HERC2: variants seen among roughly 807,000 people sequenced by gnomAD.
HERC2 encodes E3 ubiquitin-protein ligase HERC2.
HERC2 carries 102 observed loss-of-function variants against 537.7 expected under a neutral mutation model. The ratio of observed to expected loss-of-function variants is 0.19; its 90% CI spans 0.16 to 0.22. The LOEUF is 0.22. Among genes scored for constraint, HERC2 ranks in the 10% least tolerant of loss-of-function variants. The pLI is 1.00. For synonymous variants in HERC2, 2,224 were observed against 2,466.2 expected (o/e 0.90, Z 2.91); for missense variants, 4,236 against 6,198.2 (o/e 0.68, Z 10.63).
chr15:28,289,872 G>A (rs528066524), intron 4 of HERC2, among the ~76,000 whole-genome samples: 21 of 151,930 alleles, frequency 1.4e-4, no homozygotes, highest in Admixed American at 3.9e-4. Flanking sequence ...GTGAAAGGAC[G>A]ACACATCTGA....
intron 70 of HERC2, among the ~76,000 whole-genome samples, chr15:28,147,393 C>G (rs757034529): frequency 1.9e-4 from 29 of 152,154 alleles, no homozygotes; most frequent in Admixed American, 5.2e-4. Context: ...CTTCGGGAGG[C>G]CGAGGCAGGC....
chr15:28,282,702 G>A (rs2076050703), intron 4 of HERC2, among the ~76,000 whole-genome samples: 1 of 152,154 alleles, frequency 6.6e-6, no homozygotes, highest in Non-Finnish European at 1.5e-5. Flanking sequence ...CGGAGGCCGA[G>A]GCAGGCGGAT....
At chr15:28,152,654 C>T in intron 70 of HERC2, 23 bp downstream of exon 70, 1 of 1,518,600 alleles carries the variant, frequency 6.6e-7, no homozygotes, top group Non-Finnish European at 8.9e-7. Flanking sequence ...GCTGCAGCTC[C>T]CCGCTGGGGC....
In HERC2 at chr15:28,253,787, C is replaced by T. The variant is rs1282884079; in HGVS notation, c.3050+553G>A. ...GACCAGCCTGACCAATATTTTGAAA[C>T]CCCGTCTCTACTAAAAATACAAAAA... On this transcript the variant is annotated intron_variant, in intron 20 of 92. Coordinates refer to ENST00000261609, the MANE Select transcript of HERC2 (RefSeq NM_004667.6). 2.6e-5 allele frequency among the ~76,000 whole-genome samples: 4 copies of T among 151,520 alleles called. No homozygotes were observed. The East Asian group carries it at 5.8e-4, about 22-fold the overall frequency.
chr15:28,214,145 G>C lies in HERC2; in HGVS notation c.6486C>G (p.Leu2162=), dbSNP rs780073146. ...GCTGGGAGTTGATGTACTTGTTGAT[G>C]AGCCCATTCCACTGAGTCAGGGAGT... ...TLHSLTQWNG[L]INKYINSQLR... The change falls in exon 41 of 93, where the codon CTC becomes CTG. Residue 2162 remains leucine (L), a synonymous_variant. Coordinates refer to ENST00000261609, the MANE Select transcript of HERC2 (RefSeq NM_004667.6). 1 of 1,613,930 alleles carries C rather than the reference G, an allele frequency of 6.2e-7. No individual in the cohort carries two copies. Among genetic ancestry groups the C allele is most frequent in the Non-Finnish European group, 8.5e-7 (1 of 1,179,986 alleles).
chr15:28,265,695 G>A lies in HERC2; in HGVS notation c.1793C>T (p.Ala598Val). The stretch of plus-strand genomic sequence containing the variant: ...GATGACCTTCAGTCCTTTAAGCCCG[G>A]CTACCAGCATCGGAATGGCCTCGTC... Reference protein sequence around the residue: ...SEDEAIPMLVAGLKGLKVIDV... With the variant: ...SEDEAIPMLVVGLKGLKVIDV... Residue 598 changes from alanine (A) to valine (V), a missense_variant, in exon 14 of 93, where the codon GCC becomes GTC. Ala to Val is a moderately conservative substitution (Grantham distance 64, BLOSUM62 0). Transcript: ENST00000261609. This position sits in a 1 kb window ranked among gnomAD's most constrained non-coding sequence, Gnocchi z 4.0. 6.2e-7 allele frequency: 1 copy of A among 1,614,178 alleles called. No homozygotes were observed.
rs1036031296 is a variant in HERC2, at chr15:28,116,657, A to C, written c.13609+8T>G. ...AGCGACACAGTCTCAAGCGGCCGAGAAGCTCACCCAGGAAGCGGAACATGC... is the reference window on the plus strand; with the variant it reads ...AGCGACACAGTCTCAAGCGGCCGAGCAGCTCACCCAGGAAGCGGAACATGC... On this transcript the variant is annotated splice_region_variant and intron_variant, in intron 88 of 92. Transcript: ENST00000261609. 7 of 1,602,674 alleles carry C rather than the reference A, an allele frequency of 4.4e-6. No homozygotes were observed. The highest frequency in any genetic ancestry group is 5.1e-6 in the Non-Finnish European group (6 of 1,173,164).
chr15:28,318,369 A>G lies in HERC2; in HGVS notation c.72+2993T>C, dbSNP rs371952258. 6.6e-5 allele frequency among the ~76,000 whole-genome samples: 10 copies of G among 152,240 alleles called. 1 individual carries two copies. The highest frequency in any genetic ancestry group is 1.3e-4 in the Admixed American group (2 of 15,282). ...AGGCCGGGCGCGGTGGCTCACGCCT[A>G]TAATCCCAGCACTTCCGGAGGCCGA... On this transcript the variant is annotated intron_variant, in intron 2 of 92. Coordinates refer to ENST00000261609, the MANE Select transcript of HERC2 (RefSeq NM_004667.6).
chr15:28,256,950 A>T, intron 17 of HERC2, 111 bp downstream of exon 17: 1 of 924,852 alleles, frequency 1.1e-6, no homozygotes, highest in Non-Finnish European at 1.7e-6. Flanking sequence ...ATCTTACTTT[A>T]AAATATTTCA....
intron 37 of HERC2, among the ~76,000 whole-genome samples, chr15:28,219,919 C>CA (rs1337201721): frequency 7.2e-5 from 11 of 152,338 alleles, no homozygotes; most frequent in African/African-American, 2.6e-4. Context: ...TCTTGGTCCA[C>CA]CCCTAAATTC....
At chr15:28,292,703 G>T (rs1436541361) in intron 4 of HERC2, among the ~76,000 whole-genome samples, 185 bp downstream of exon 4, 2 of 152,078 alleles carry the variant, frequency 1.3e-5, no homozygotes, top group African/African-American at 2.4e-5. Context: ...TCATGCCAAT[G>T]AACTCTACAC....
intron 5 of HERC2, among the ~76,000 whole-genome samples, chr15:28,276,494 G>A (rs2141024918): frequency 6.6e-6 from 1 of 152,314 alleles, no homozygotes; most frequent in South Asian, 2.1e-4. Context: ...GCCAAGTGTG[G>A]TCAGAGGAGG....
At chr15:28,287,703 T>C (rs953124436) in intron 4 of HERC2, among the ~76,000 whole-genome samples, 3 of 150,152 alleles carry the variant, frequency 2.0e-5, no homozygotes, top group African/African-American at 7.4e-5. Flanking sequence ...ATTTACATTA[T>C]ATTATACTTA....
chr15:28,178,673 T>A (rs1232832605), intron 59 of HERC2, among the ~76,000 whole-genome samples: 1 of 152,222 alleles, frequency 6.6e-6, no homozygotes, highest in Non-Finnish European at 1.5e-5. Context: ...AGTTATAGAC[T>A]CTTTCTCAGA....
At chr15:28,287,975 C>T (rs2076206565) in intron 4 of HERC2, among the ~76,000 whole-genome samples, 1 of 152,110 alleles carries the variant, frequency 6.6e-6, no homozygotes, top group African/African-American at 2.4e-5. Flanking sequence ...CCACCCACCT[C>T]AGCCTCCCAA....
At position 28,269,251 on chromosome 15, in the gene HERC2, C is replaced by A; in HGVS notation, c.1443G>T (p.Thr481=). 6.2e-7 allele frequency: 1 copy of A among 1,612,612 alleles called. No homozygotes were observed. The highest frequency in any genetic ancestry group is 8.5e-7 in the Non-Finnish European group (1 of 1,179,154). ...GCACAGTGCCCAGAACACTCACCAG[C>A]GTGTCACTATTATAGGCCTGTGTGT... The part of the protein sequence containing the change: ...RVYTQAYNSD[T]LAPQLVQGLA... The change falls in exon 11 of 93, where the codon ACG becomes ACT. Residue 481 remains threonine (T), a synonymous_variant. Coordinates refer to ENST00000261609, the MANE Select transcript of HERC2 (RefSeq NM_004667.6).
At position 28,238,687 on chromosome 15, in the gene HERC2, A is replaced by G; in HGVS notation, c.3663T>C (p.Asp1221=). 6.2e-7 allele frequency: 1 copy of G among 1,611,474 alleles called. No individual in the cohort carries two copies. Among genetic ancestry groups the G allele is most frequent in the Middle Eastern group, 2.3e-4 (1 of 4,430 alleles). ...CGTCAATCACAGTCCAGAAGCCTCCATCTTTATTATGGTTCTCCAAATCAG... is the reference window on the plus strand; with the variant it reads ...CGTCAATCACAGTCCAGAAGCCTCCGTCTTTATTATGGTTCTCCAAATCAG... ...RKADLENHNK[D]GGFWTVIDGK... is the part of the protein sequence containing the mutation. The change falls in exon 24 of 93, where the codon GAT becomes GAC. Residue 1221 remains aspartate, a synonymous_variant. Transcript: ENST00000261609.
intron 2 of HERC2, among the ~76,000 whole-genome samples, chr15:28,317,939 C>A (rs534055087): frequency 7.2e-4 from 109 of 152,214 alleles, no homozygotes; most frequent in Admixed American, 9.8e-4. Context: ...TGCTTCATGC[C>A]TATCTAATTT....
In HERC2 at chr15:28,113,244, A is replaced by C; in HGVS notation, c.14059T>G (p.Ser4687Ala). The C allele has an allele frequency of 6.2e-7, 1 of 1,614,136 alleles. No individual in the cohort carries two copies. The change falls in exon 92 of 93, where the codon TCG becomes GCG. Residue 4687 changes from serine (S) to alanine (A), a missense_variant. Transcript: ENST00000261609. This position sits in a 1 kb window ranked among gnomAD's most constrained non-coding sequence, Gnocchi z 7.0. ...TCGATGCCTTTATAGGTGGCCACCG[A>C]CTTGAGAAGGTGCAGCGGGATGTCA... ...SPDIPLHLLK[S>A]VATYKGIEPS...
Sources: gnomAD v4.1 joint callset for allele counts (sites outside exome capture counted in the v4.1 genomes callset) on GRCh38, gnomAD v4.1.1 for gene constraint, Gnocchi (gnomAD v3.1) non-coding constraint, MANE v1.5 for transcripts, NCBI Gene and HGNC (gene_info 2026-07-23, HGNC 2026-07-21) for gene names.